RASAL2: variants seen among roughly 807,000 people sequenced by gnomAD.
RASAL2 encodes RAS protein activator like 2.
A neutral mutation model predicts 128.9 loss-of-function variants in RASAL2; 58 were observed. The ratio of observed to expected loss-of-function variants is 0.45; its 90% CI spans 0.36 to 0.56. RASAL2 has a LOEUF of 0.56. Ranked by LOEUF, RASAL2 falls within the 20% of genes least tolerant of loss-of-function variation. RASAL2 has a pLI of 0.00. For missense variants in RASAL2, 1,360 were observed against 1,601.6 expected, an observed-to-expected ratio of 0.85 and a Z score of 2.57; for synonymous variants, 561 against 580.8, an observed-to-expected ratio of 0.97 and a Z score of 0.49.
chr1:178,247,735 C>G (rs1340186112), intron 1 of RASAL2, among the ~76,000 whole-genome samples: 1 of 152,054 alleles, frequency 6.6e-6, no homozygotes, highest in African/African-American at 2.4e-5. Flanking sequence ...TTAACACTGC[C>G]TTAGCTGTAT....
chr1:178,339,520 C>G lies in RASAL2; in HGVS notation c.457+39402C>G, dbSNP rs146481499. Among the ~76,000 whole-genome samples, 612 of 152,262 alleles carry G rather than the reference C, an allele frequency of 4.0e-3. 6 individuals are homozygous for G. Among genetic ancestry groups the G allele is most frequent in the Non-Finnish European group, 5.0e-3 (341 of 68,020 alleles). ...TAGAAAGTGGCCGAAATTCATGTCT[C>G]TGTAGTGAATCCCTCATTGGTTACG... On this transcript the variant is annotated intron_variant, in intron 3 of 17. Coordinates refer to ENST00000367649, the MANE Select transcript of RASAL2 (RefSeq NM_170692.4).
rs529406083 is a variant in RASAL2 at position 178,226,357 on chromosome 1, A to G, written c.203-57207A>G. Among the ~76,000 whole-genome samples the G allele has an allele frequency of 2.4e-3, 369 of 152,298 alleles. 1 individual carries two copies. Among genetic ancestry groups the G allele is most frequent in the African/African-American group, 8.6e-3 (358 of 41,564 alleles). On this transcript the variant is annotated intron_variant, in intron 1 of 17. Coordinates refer to ENST00000367649, the MANE Select transcript of RASAL2 (RefSeq NM_170692.4). ...TGTTGTTCTGATTAAGAGAAGAGGA[A>G]GAAAAGAAAAACATACAAATGTTTG...
intron 1 of RASAL2, among the ~76,000 whole-genome samples, chr1:178,283,251 A>G (rs1295819282): frequency 6.6e-6 from 1 of 152,114 alleles, no homozygotes; most frequent in African/African-American, 2.4e-5. Context: ...TGTATTTTAA[A>G]CGATACTGGT....
chr1:178,184,122 C>G (rs6694323), intron 1 of RASAL2, among the ~76,000 whole-genome samples: 1 of 151,994 alleles, frequency 6.6e-6, no homozygotes, highest in Non-Finnish European at 1.5e-5. Flanking sequence ...CCATTCAGAC[C>G]TTATGCCCAT....
intron 3 of RASAL2, among the ~76,000 whole-genome samples, chr1:178,374,952 A>G (rs1671908126): frequency 6.6e-6 from 1 of 152,172 alleles, no homozygotes; most frequent in African/African-American, 2.4e-5. Context: ...TGAGAGGCAT[A>G]GTGTTTGGCT....
chr1:178,252,971 A>C (rs1665125358), intron 1 of RASAL2, among the ~76,000 whole-genome samples: 1 of 152,234 alleles, frequency 6.6e-6, no homozygotes, highest in Non-Finnish European at 1.5e-5. Flanking sequence ...TTCATTTTCT[A>C]GGACTGCTGT....
intron 1 of RASAL2, among the ~76,000 whole-genome samples, chr1:178,275,511 A>G (rs574877772): frequency 2.0e-5 from 3 of 152,374 alleles, no homozygotes; most frequent in East Asian, 3.9e-4. Context: ...CATCCTTACC[A>G]TCTTCTTAAA....
At chr1:178,141,193 C>CTTTTT (rs71297900) in intron 1 of RASAL2, among the ~76,000 whole-genome samples, 876 of 73,862 alleles carry the variant, frequency 0.012, 4 homozygotes, top group African/African-American at 0.021. Flanking sequence ...CTTTTCTTTT[C>CTTTTT]TTTTTTTTTT....
intron 7 of RASAL2, 147 bp from the exon 8 acceptor site, chr1:178,442,528 T>C (rs1676723848): frequency 1.6e-6 from 1 of 609,598 alleles, no homozygotes; most frequent in African/African-American, 1.8e-5. Flanking sequence ...GAGCTTGCTG[T>C]TAACCTAAGC....
chr1:178,423,527 C>T (rs1675298882), intron 5 of RASAL2, among the ~76,000 whole-genome samples: 1 of 152,042 alleles, frequency 6.6e-6, no homozygotes, highest in African/African-American at 2.4e-5. Flanking sequence ...TTACAACCAC[C>T]CTAAGAGATA....
At chr1:178,381,103 A>G (rs1284147395) in intron 3 of RASAL2, among the ~76,000 whole-genome samples, 1 of 152,186 alleles carries the variant, frequency 6.6e-6, no homozygotes, top group Non-Finnish European at 1.5e-5. Context: ...ACTGAGGCAA[A>G]TTGTAGAAAA....
At chr1:178,280,136 A>G (rs75015832) in intron 1 of RASAL2, among the ~76,000 whole-genome samples, 2,425 of 152,000 alleles carry the variant, frequency 0.016, 39 homozygotes, top group Non-Finnish European at 0.024. Context: ...GGTTTGGTAT[A>G]GTATTAACGA....
chr1:178,139,765 A>C (rs1660462708), intron 1 of RASAL2, among the ~76,000 whole-genome samples: 1 of 151,954 alleles, frequency 6.6e-6, no homozygotes, highest in South Asian at 2.1e-4. Flanking sequence ...CCTTTGTAGT[A>C]AATTAGTGAT....
chr1:178,285,966 A>G (rs1667006084), intron 2 of RASAL2, among the ~76,000 whole-genome samples: 1 of 152,128 alleles, frequency 6.6e-6, no homozygotes, highest in Non-Finnish European at 1.5e-5. Context: ...GTCCATGATA[A>G]ATAATTTTCT....
chr1:178,127,785 A>G (rs1328272507), intron 1 of RASAL2, among the ~76,000 whole-genome samples: 2 of 151,990 alleles, frequency 1.3e-5, no homozygotes, highest in East Asian at 1.9e-4. Flanking sequence ...TTCCCCCTCA[A>G]TCCCTGATCA....
intron 9 of RASAL2, among the ~76,000 whole-genome samples, chr1:178,448,559 A>G (rs1413460718): frequency 2.6e-4 from 39 of 152,204 alleles, no homozygotes; most frequent in Admixed American, 6.5e-5. Context: ...AGAAAAGTAC[A>G]AAGAGGTTTA....
chr1:178,358,809 A>C (rs1413990526), intron 3 of RASAL2, among the ~76,000 whole-genome samples: 9 of 152,192 alleles, frequency 5.9e-5, no homozygotes, highest in African/African-American at 2.2e-4. Flanking sequence ...ACAAAGGATA[A>C]AAGAAGACAT....
chr1:178,456,707 A>G lies in RASAL2; in HGVS notation c.2212-14A>G. ...TGCTTATTATCCAATTAGGGTGAAAATTCCTTCCTACAGGCGACCGTGGCA... is the reference window on the plus strand; with the variant it reads ...TGCTTATTATCCAATTAGGGTGAAAGTTCCTTCCTACAGGCGACCGTGGCA... On this transcript the variant is annotated splice_polypyrimidine_tract_variant and intron_variant, in intron 12 of 17. Coordinates refer to ENST00000367649, the MANE Select transcript of RASAL2 (RefSeq NM_170692.4). The G allele has an allele frequency of 6.2e-7, 1 of 1,613,800 alleles. No individual in the cohort carries two copies. Among genetic ancestry groups the G allele is most frequent in the Non-Finnish European group, 8.5e-7 (1 of 1,179,844 alleles).
chr1:178,288,831 A>G (rs1335784048), intron 2 of RASAL2, among the ~76,000 whole-genome samples: 1 of 151,460 alleles, frequency 6.6e-6, no homozygotes, highest in Non-Finnish European at 1.5e-5. Context: ...TTGTATTTTT[A>G]GTAGAGATGG....
Sources: gnomAD v4.1 joint callset for allele counts (sites outside exome capture counted in the v4.1 genomes callset) on GRCh38, gnomAD v4.1.1 for gene constraint, MANE v1.5 for transcripts, NCBI Gene and HGNC (gene_info 2026-07-23, HGNC 2026-07-21) for gene names.